MCTP2: variants seen among roughly 807,000 people sequenced by gnomAD.
MCTP2 encodes the protein multiple C2 and transmembrane domain containing 2, also known as multiple C2 and transmembrane domain-containing protein 2.
A neutral mutation model predicts 111.6 loss-of-function variants in MCTP2; 132 were observed. The observed-to-expected ratio is 1.18, with a 90% CI of 1.03 to 1.37. The LOEUF (loss-of-function observed/expected upper bound fraction) is 1.37, where lower values mean the gene tolerates loss of function less well. Ranked by LOEUF, MCTP2 falls within the 40% of genes most tolerant of loss-of-function variation. MCTP2 has a pLI of 0.00. For missense variants in MCTP2, 1,183 were observed against 1,067.9 expected (o/e 1.11, Z -1.50); for synonymous variants, 395 against 387.7 (o/e 1.02, Z -0.22).
At chr15:94,239,283 C>T (rs2070773703) in intron 1 of MCTP2, among the ~76,000 whole-genome samples, 1 of 152,184 alleles carries the variant, frequency 6.6e-6, no homozygotes, top group Admixed American at 6.5e-5. Context: ...ATATGCTTAG[C>T]TTCTTCGGTT....
rs138211202 is a variant in MCTP2, at chr15:94,288,331, A to G, written c.-65-9870A>G. Among the ~76,000 whole-genome samples, 14 of 152,340 alleles carry G rather than the reference A, an allele frequency of 9.2e-5. No homozygotes were observed. In the East Asian group the frequency reaches 2.5e-3, roughly 27 times the overall value. ...AAATACATTGTGGACTCATGGACTC[A>G]TCCATAGCCTGAACATACATGGATC... On this transcript the variant is annotated intron_variant, in intron 1 of 22. Coordinates refer to ENST00000357742, the MANE Select transcript of MCTP2 (RefSeq NM_001385001.1).
intron 17 of MCTP2, among the ~76,000 whole-genome samples, chr15:94,413,413 G>C (rs1213915217): frequency 1.3e-5 from 2 of 151,896 alleles, no homozygotes; most frequent in Admixed American, 1.3e-4. Context: ...GATTTCATTA[G>C]GAAAATAACC....
intron 1 of MCTP2, among the ~76,000 whole-genome samples, chr15:94,286,642 G>A (rs1043688619): frequency 5.3e-5 from 8 of 152,140 alleles, no homozygotes; most frequent in Non-Finnish European, 7.3e-5. Context: ...CCTACCTTGC[G>A]GTTCTTATTC....
intron 1 of MCTP2, among the ~76,000 whole-genome samples, chr15:94,291,498 G>T (rs2152325976): frequency 6.6e-6 from 1 of 152,280 alleles, no homozygotes; most frequent in Non-Finnish European, 1.5e-5. Context: ...CTATCTGGGA[G>T]GCTGTGGCAG....
chr15:94,285,550 G>A (rs2074710622), intron 1 of MCTP2, among the ~76,000 whole-genome samples: 1 of 152,026 alleles, frequency 6.6e-6, no homozygotes, highest in South Asian at 2.1e-4. Flanking sequence ...ACTTCGTTAG[G>A]GTTCACTTAA....
chr15:94,346,815 A>G (rs879629291), intron 8 of MCTP2, among the ~76,000 whole-genome samples: 24 of 151,990 alleles, frequency 1.6e-4, no homozygotes, highest in Admixed American at 3.9e-4. Context: ...GCCTGGGTGA[A>G]GTTATCAAAA....
chr15:94,317,957 A>G (rs1256407837), intron 4 of MCTP2, among the ~76,000 whole-genome samples: 5 of 151,710 alleles, frequency 3.3e-5, no homozygotes, highest in African/African-American at 1.2e-4. Flanking sequence ...AAATGTATCT[A>G]TTTTTACAAC....
At chr15:94,451,568 G>A (rs2084466978) in intron 19 of MCTP2, among the ~76,000 whole-genome samples, 1 of 152,204 alleles carries the variant, frequency 6.6e-6, no homozygotes, top group Admixed American at 6.5e-5. Context: ...TAAATTGGAA[G>A]CCTTATATGT....
At chr15:94,266,061 C>G (rs565711979) in intron 1 of MCTP2, among the ~76,000 whole-genome samples, 1 of 122,360 alleles carries the variant, frequency 8.2e-6, no homozygotes, top group African/African-American at 3.4e-5. Context: ...TGTACACATA[C>G]ACGTGCATGC....
At chr15:94,274,188 A>T (rs1326730739) in intron 1 of MCTP2, among the ~76,000 whole-genome samples, 2 of 150,782 alleles carry the variant, frequency 1.3e-5, no homozygotes, top group African/African-American at 5.0e-5. Context: ...TGCTCTAAAA[A>T]AAAAGAAATC....
intron 17 of MCTP2, among the ~76,000 whole-genome samples, chr15:94,407,444 A>G (rs1352028751): frequency 6.6e-6 from 1 of 152,216 alleles, no homozygotes; most frequent in African/African-American, 2.4e-5. Context: ...TAAATCTACC[A>G]TATATCAACG....
intron 19 of MCTP2, among the ~76,000 whole-genome samples, chr15:94,450,629 T>G (rs2084386607): frequency 6.6e-6 from 1 of 152,188 alleles, no homozygotes; most frequent in South Asian, 2.1e-4. Context: ...ACCAAACATA[T>G]TCTTATTTAA....
At chr15:94,411,090 T>G (rs1298013568) in intron 17 of MCTP2, among the ~76,000 whole-genome samples, 2 of 152,180 alleles carry the variant, frequency 1.3e-5, no homozygotes, top group East Asian at 3.9e-4. Context: ...CTGAATGCCT[T>G]TTCTCCCCTT....
intron 22 of MCTP2, among the ~76,000 whole-genome samples, chr15:94,478,670 A>T (rs149401439): frequency 4.3e-4 from 66 of 152,368 alleles, no homozygotes; most frequent in African/African-American, 1.3e-3. Context: ...AAGCTTACTT[A>T]TGGTTGAAAA....
intron 17 of MCTP2, among the ~76,000 whole-genome samples, chr15:94,427,137 T>TA (rs2082933406): frequency 6.6e-6 from 1 of 152,142 alleles, no homozygotes; most frequent in Non-Finnish European, 1.5e-5. Context: ...ATTCTTTTTT[T>TA]ATCCTCTATG....
At chr15:94,306,288 A>C (rs2075877287) in intron 2 of MCTP2, among the ~76,000 whole-genome samples, 1 of 152,224 alleles carries the variant, frequency 6.6e-6, no homozygotes, top group Non-Finnish European at 1.5e-5. Context: ...ACAAGCACCT[A>C]ACAAGTGCTT....
At chr15:94,245,405 T>C (rs1450562099) in intron 1 of MCTP2, among the ~76,000 whole-genome samples, 1 of 53,234 alleles carries the variant, frequency 1.9e-5, no homozygotes, top group East Asian at 3.3e-4. Context: ...CATGTGTGTA[T>C]ATATTTATAT....
chr15:94,343,319 C>G (rs2077767790), intron 7 of MCTP2: 1 of 151,988 alleles, frequency 6.6e-6, no homozygotes, highest in South Asian at 2.1e-4. Context: ...GAATAACTAG[C>G]ACTTGGGACT....
intron 17 of MCTP2, among the ~76,000 whole-genome samples, chr15:94,412,822 C>T (rs2082211699): frequency 6.6e-6 from 1 of 150,982 alleles, no homozygotes; most frequent in Admixed American, 6.6e-5. Flanking sequence ...ATTTTTTTTG[C>T]AAGGAAACTT....
Sources: allele counts gnomAD v4.1 joint callset (sites outside exome capture counted in the v4.1 genomes callset), GRCh38; gene constraint gnomAD v4.1.1; transcripts MANE v1.5; gene names NCBI Gene and HGNC (gene_info 2026-07-23, HGNC 2026-07-21).